Variants in ASTN2 observed in about 807,000 individuals in gnomAD.
ASTN2 encodes the protein astrotactin 2.
A neutral mutation model predicts 139.8 loss-of-function variants in ASTN2; 54 were observed. That is an observed-to-expected ratio of 0.39 (90% CI 0.31 to 0.48). ASTN2 has a LOEUF of 0.48. ASTN2 is among the 20% of genes least tolerant of loss of function. The pLI is 0.95. For missense variants in ASTN2, 1,565 were observed against 1,725.1 expected, an observed-to-expected ratio of 0.91 and a Z score of 1.64; for synonymous variants, 756 against 719.5, an observed-to-expected ratio of 1.05 and a Z score of -0.81.
chr9:116,708,085 TC>T (rs1201030539), intron 16 of ASTN2, among the ~76,000 whole-genome samples: 6 of 152,078 alleles, frequency 3.9e-5, no homozygotes, highest in African/African-American at 1.4e-4. Flanking sequence ...CTTCCCCTCC[TC>T]CGTTAGTTAA....
intron 19 of ASTN2, among the ~76,000 whole-genome samples, chr9:116,590,421 G>C (rs1416803790): frequency 6.6e-6 from 1 of 152,252 alleles, no homozygotes; most frequent in Non-Finnish European, 1.5e-5. Flanking sequence ...GCCCCCTGTT[G>C]CCTTGGCCCT....
intron 1 of ASTN2, among the ~76,000 whole-genome samples, chr9:117,347,178 T>G (rs933511777): frequency 6.6e-6 from 1 of 152,044 alleles, no homozygotes; most frequent in African/African-American, 2.4e-5. Context: ...CATGCAGTGT[T>G]TCTCCAAAAT....
chr9:116,986,160 G>GCCC (rs34143043), intron 7 of ASTN2, among the ~76,000 whole-genome samples: 12 of 131,924 alleles, frequency 9.1e-5, no homozygotes, highest in African/African-American at 3.5e-4. Context: ...TGTCCAGGCT[G>GCCC]CCCCCCCCCA....
At chr9:116,672,171 C>G (rs1477142513) in intron 16 of ASTN2, among the ~76,000 whole-genome samples, 1 of 152,008 alleles carries the variant, frequency 6.6e-6, no homozygotes, top group African/African-American at 2.4e-5. Context: ...CTCAGGAGTT[C>G]AAGAACAGCC....
intron 2 of ASTN2, among the ~76,000 whole-genome samples, chr9:117,252,032 C>T (rs527966626): frequency 1.3e-5 from 2 of 152,204 alleles, no homozygotes; most frequent in Non-Finnish European, 2.9e-5. Flanking sequence ...TCCTTCAGAA[C>T]AACCTCTGAT....
chr9:117,192,240 C>G (rs1414289754), intron 3 of ASTN2, among the ~76,000 whole-genome samples: 1 of 152,064 alleles, frequency 6.6e-6, no homozygotes, highest in Non-Finnish European at 1.5e-5. Context: ...AGAGGAGGCA[C>G]CAGCTAAGAA....
chr9:116,572,532 T>A (rs972403030), intron 19 of ASTN2, among the ~76,000 whole-genome samples: 5 of 152,196 alleles, frequency 3.3e-5, no homozygotes, highest in Non-Finnish European at 7.3e-5. Context: ...ATAAGTGCAC[T>A]GAGATACTGA....
intron 3 of ASTN2, among the ~76,000 whole-genome samples, chr9:117,152,428 A>G (rs1044872844): frequency 2.0e-4 from 31 of 152,070 alleles, no homozygotes; most frequent in African/African-American, 7.5e-4. Flanking sequence ...AGTCCCATTC[A>G]TGGTTACACC....
intron 3 of ASTN2, among the ~76,000 whole-genome samples, chr9:117,166,392 G>A (rs1016066496): frequency 6.6e-6 from 1 of 152,036 alleles, no homozygotes; most frequent in Non-Finnish European, 1.5e-5. Flanking sequence ...AATTCAAATA[G>A]AATCTTATAA....
chr9:117,205,390 A>T (rs1159383798), intron 3 of ASTN2, among the ~76,000 whole-genome samples: 1 of 152,162 alleles, frequency 6.6e-6, no homozygotes, highest in Non-Finnish European at 1.5e-5. Flanking sequence ...TTATTTTTAT[A>T]TCTAATCCTC....
intron 10 of ASTN2, among the ~76,000 whole-genome samples, chr9:116,903,975 T>C (rs1834089531): frequency 6.6e-6 from 1 of 152,192 alleles, no homozygotes; most frequent in African/African-American, 2.4e-5. Context: ...GCCTGATCAA[T>C]GTTCATGTCT....
chr9:116,698,030 G>A lies in ASTN2; in HGVS notation c.2806+27741C>T. 1.2e-6 allele frequency: 2 copies of A among 1,614,008 alleles called. No individual in the cohort carries two copies. Among genetic ancestry groups the A allele is most frequent in the East Asian group, 2.2e-5 (1 of 44,860 alleles). On this transcript the variant is annotated intron_variant, in intron 16 of 22. Coordinates refer to ENST00000313400, the MANE Select transcript of ASTN2 (RefSeq NM_001365068.1). The surrounding 1 kb of genome is among the most constrained non-coding windows in gnomAD (Gnocchi z 4.4). ...CAGCTGGGCTCAGCGAGGCTGTGGG[G>A]CTGCTCATGTGTCGGTCCTGTGGGC...
At chr9:117,218,366 T>C (rs1832402427) in intron 2 of ASTN2, among the ~76,000 whole-genome samples, 1 of 152,164 alleles carries the variant, frequency 6.6e-6, no homozygotes, top group Non-Finnish European at 1.5e-5. Flanking sequence ...TTCCATCACC[T>C]CCAACTGAGT....
At chr9:117,260,250 T>C (rs951707429) in intron 2 of ASTN2, among the ~76,000 whole-genome samples, 2 of 152,178 alleles carry the variant, frequency 1.3e-5, no homozygotes, top group Admixed American at 1.3e-4. Flanking sequence ...CTATATATAC[T>C]GGACTTTGAG....
intron 1 of ASTN2, among the ~76,000 whole-genome samples, chr9:117,292,895 C>A (rs1035963811): frequency 3.3e-5 from 5 of 152,134 alleles, no homozygotes; most frequent in African/African-American, 1.2e-4. Context: ...TTCCACTGAA[C>A]TATTCTTATA....
At chr9:117,362,760 C>T (rs1236014116) in intron 1 of ASTN2, among the ~76,000 whole-genome samples, 1 of 152,102 alleles carries the variant, frequency 6.6e-6, no homozygotes, top group African/African-American at 2.4e-5. Flanking sequence ...AATGACTGGA[C>T]GCTCCCTCCT....
At chr9:116,674,140 G>A (rs1859361895) in intron 16 of ASTN2, among the ~76,000 whole-genome samples, 1 of 152,200 alleles carries the variant, frequency 6.6e-6, no homozygotes, top group Non-Finnish European at 1.5e-5. Context: ...CATGCAGCTG[G>A]AGGTTACAAG....
chr9:116,641,549 T>C (rs982815349), intron 17 of ASTN2, among the ~76,000 whole-genome samples: 1 of 152,168 alleles, frequency 6.6e-6, no homozygotes, highest in Non-Finnish European at 1.5e-5. Flanking sequence ...ATGGAAGTGC[T>C]CAGTAAATGT....
intron 10 of ASTN2, among the ~76,000 whole-genome samples, chr9:116,928,649 G>T (rs1467545152): frequency 2.0e-5 from 3 of 151,676 alleles, no homozygotes; most frequent in Non-Finnish European, 4.4e-5. Context: ...AGAAATAAAA[G>T]AAAACTGTAT....
Sources: allele counts gnomAD v4.1 joint callset (sites outside exome capture counted in the v4.1 genomes callset), GRCh38; gene constraint gnomAD v4.1.1; non-coding constraint Gnocchi (gnomAD v3.1); transcripts MANE v1.5; gene names NCBI Gene and HGNC (gene_info 2026-07-23, HGNC 2026-07-21).